Variants in ADAMTS19 observed in about 807,000 individuals in gnomAD.
ADAMTS19 encodes the protein A disintegrin and metalloproteinase with thrombospondin motifs 19.
In ADAMTS19, 93 loss-of-function variants were observed where a neutral mutation model predicts 153.3. That is an observed-to-expected ratio of 0.61 (90% CI 0.51 to 0.72). The LOEUF (loss-of-function observed/expected upper bound fraction) is 0.72. Among genes scored for constraint, ADAMTS19 ranks in the 30% least tolerant of loss-of-function variants. The pLI is 0.00. For missense variants in ADAMTS19, 1,482 were observed against 1,552.1 expected, an observed-to-expected ratio of 0.95 and a Z score of 0.76; for synonymous variants, 600 against 556.6, an observed-to-expected ratio of 1.08 and a Z score of -1.10.
intron 13 of ADAMTS19, among the ~76,000 whole-genome samples, chr5:129,653,760 C>T (rs1753419553): frequency 6.6e-6 from 1 of 152,142 alleles, no homozygotes; most frequent in Admixed American, 6.6e-5. Context: ...CAGAAAATTT[C>T]ATGAGAATTC....
chr5:129,730,190 A>C (rs1202904085), intron 21 of ADAMTS19, among the ~76,000 whole-genome samples: 1 of 152,064 alleles, frequency 6.6e-6, no homozygotes, highest in Non-Finnish European at 1.5e-5. Flanking sequence ...AAGGAGAAAG[A>C]CCATGTCAAA....
chr5:129,600,095 GA>G (rs1750576139), intron 8 of ADAMTS19, among the ~76,000 whole-genome samples: 1 of 152,082 alleles, frequency 6.6e-6, no homozygotes, highest in Non-Finnish European at 1.5e-5. Context: ...AATGTAAGAA[GA>G]AATGAAGAAA....
chr5:129,646,964 C>T (rs1753090120), intron 11 of ADAMTS19, among the ~76,000 whole-genome samples: 1 of 151,954 alleles, frequency 6.6e-6, no homozygotes, highest in South Asian at 2.1e-4. Flanking sequence ...TTCTAGCAAC[C>T]ATTCCTGGGT....
intron 15 of ADAMTS19, among the ~76,000 whole-genome samples, chr5:129,662,170 C>G (rs1162809457): frequency 6.6e-6 from 1 of 152,060 alleles, no homozygotes; most frequent in Non-Finnish European, 1.5e-5. Flanking sequence ...CAAAATATGG[C>G]GTTTGTTACT....
intron 10 of ADAMTS19, among the ~76,000 whole-genome samples, chr5:129,625,485 C>A (rs1044674480): frequency 2.0e-5 from 3 of 152,220 alleles, no homozygotes; most frequent in African/African-American, 7.2e-5. Flanking sequence ...TCTCCACATT[C>A]TCTCCAGCAC....
At chr5:129,534,591 G>C (rs1349386380) in intron 6 of ADAMTS19, among the ~76,000 whole-genome samples, 3 of 152,124 alleles carry the variant, frequency 2.0e-5, no homozygotes, top group Admixed American at 6.6e-5. Flanking sequence ...GCATCATCCT[G>C]ATACCAAAGC....
At chr5:129,704,467 G>T in intron 21 of ADAMTS19, 76 bp downstream of exon 21, 1 of 1,509,680 alleles carries the variant, frequency 6.6e-7, no homozygotes, top group South Asian at 1.3e-5. Context: ...TAACCACATA[G>T]CATGGAGTTT....
chr5:129,647,214 G>GAA (rs34958335), intron 11 of ADAMTS19, among the ~76,000 whole-genome samples: 2,357 of 102,212 alleles, frequency 0.023, 87 homozygotes, highest in African/African-American at 0.075. Context: ...AATTCTTTCA[G>GAA]AAAAAAAAAA....
At chr5:129,468,815 C>A (rs926808807) in intron 2 of ADAMTS19, among the ~76,000 whole-genome samples, 1 of 151,806 alleles carries the variant, frequency 6.6e-6, no homozygotes, top group Admixed American at 6.6e-5. Context: ...CTTGTTCTGT[C>A]GGCCAGGCCA....
rs536224628 is a variant in ADAMTS19 at position 129,586,995 on chromosome 5, A to G, written c.1373-9564A>G. On this transcript the variant is annotated intron_variant, in intron 7 of 22. Transcript: ENST00000274487. Reference sequence around the variant, plus strand: ...ACACCTGTGATTGTGTCTCACATGTATACTATGTTCCTCTTTAAAACATTT... The same window carrying G: ...ACACCTGTGATTGTGTCTCACATGTGTACTATGTTCCTCTTTAAAACATTT... Among the ~76,000 whole-genome samples the G allele has an allele frequency of 2.0e-3, 305 of 152,306 alleles. 2 individuals are homozygous for G. Among genetic ancestry groups the G allele is most frequent in the African/African-American group, 7.1e-3 (297 of 41,568 alleles).
At chr5:129,598,141 C>T (rs1750470705) in intron 8 of ADAMTS19, among the ~76,000 whole-genome samples, 1 of 152,100 alleles carries the variant, frequency 6.6e-6, no homozygotes, top group Non-Finnish European at 1.5e-5. Flanking sequence ...TAGTTGCCAA[C>T]ATTAAAAAAG....
chr5:129,702,239 A>G (rs926566401), intron 20 of ADAMTS19, among the ~76,000 whole-genome samples: 16 of 152,248 alleles, frequency 1.1e-4, no homozygotes, highest in African/African-American at 3.6e-4. Context: ...TTATCATGAT[A>G]TATATCTTTG....
chr5:129,584,773 G>A (rs532245468), intron 7 of ADAMTS19, among the ~76,000 whole-genome samples: 13 of 152,302 alleles, frequency 8.5e-5, no homozygotes, highest in South Asian at 4.1e-4. Flanking sequence ...ATCCCAGGTC[G>A]ACTTCAGACT....
chr5:129,606,239 T>C (rs572785324), intron 8 of ADAMTS19, among the ~76,000 whole-genome samples: 2 of 152,286 alleles, frequency 1.3e-5, no homozygotes, highest in Admixed American at 6.5e-5. Context: ...CATACACACT[T>C]ACTTCTCTGG....
intron 7 of ADAMTS19, among the ~76,000 whole-genome samples, chr5:129,567,885 A>T (rs553007228): frequency 6.6e-6 from 1 of 152,316 alleles, no homozygotes; most frequent in South Asian, 2.1e-4. Context: ...CAAACTGCTG[A>T]AAGCTAAAGA....
chr5:129,665,714 T>C (rs1489992512), intron 16 of ADAMTS19, 135 bp downstream of exon 16: 1 of 627,298 alleles, frequency 1.6e-6, no homozygotes, highest in African/African-American at 1.9e-5. Flanking sequence ...TTTTGTCATA[T>C]CAAGTAGGAA....
intron 7 of ADAMTS19, among the ~76,000 whole-genome samples, chr5:129,590,365 C>T (rs187084359): frequency 7.9e-5 from 12 of 152,036 alleles, no homozygotes; most frequent in South Asian, 2.1e-4. Flanking sequence ...GTGATTTCTA[C>T]GTGTTTTTAG....
intron 21 of ADAMTS19, among the ~76,000 whole-genome samples, chr5:129,705,899 A>G (rs1756129789): frequency 6.6e-6 from 1 of 152,222 alleles, no homozygotes; most frequent in Non-Finnish European, 1.5e-5. Context: ...TTGTTTCCAT[A>G]TGAGTCAAAT....
At chr5:129,631,267 T>C (rs555321329) in intron 10 of ADAMTS19, among the ~76,000 whole-genome samples, 48 of 151,682 alleles carry the variant, frequency 3.2e-4, no homozygotes, top group African/African-American at 1.1e-3. Flanking sequence ...TTTAAATTTA[T>C]TGAGACTCAT....
Sources: allele counts gnomAD v4.1 joint callset (sites outside exome capture counted in the v4.1 genomes callset), GRCh38; gene constraint gnomAD v4.1.1; transcripts MANE v1.5; gene names NCBI Gene and HGNC (gene_info 2026-07-23, HGNC 2026-07-21).